Variants in TXNRD1 observed in about 807,000 individuals in gnomAD.
TXNRD1 encodes the protein thioredoxin reductase 1.
Under a neutral mutation model 80.3 loss-of-function variants are expected in TXNRD1, and 57 were observed. The ratio of observed to expected loss-of-function variants is 0.71; its 90% CI spans 0.57 to 0.89. TXNRD1 has a LOEUF of 0.89. TXNRD1 is among the 40% of genes least tolerant of loss of function. The probability of loss-of-function intolerance (pLI) is 0.00; values close to 1 mark genes in which losing one functional copy is unlikely to be tolerated. For missense variants in TXNRD1, 730 were observed against 803.0 expected (o/e 0.91, Z 1.10); for synonymous variants, 291 against 285.2 (o/e 1.02, Z -0.20).
chr12:104,250,442 A>G (rs540741856), intron 1 of TXNRD1, among the ~76,000 whole-genome samples: 37 of 152,362 alleles, frequency 2.4e-4, no homozygotes, highest in African/African-American at 8.7e-4. Flanking sequence ...AGACTTCTAT[A>G]TTTTAAAGCT....
At chr12:104,288,717 C>A in intron 3 of TXNRD1, 2 of 1,414,764 alleles carry the variant, frequency 1.4e-6, no homozygotes, top group Non-Finnish European at 1.9e-6. Flanking sequence ...TGTTTTCAGC[C>A]AGTGTGCGGA....
rs755345269 is a variant in TXNRD1, at chr12:104,325,367, C to T, written c.1246C>T (p.Arg416Ter). Residue 416 changes from arginine (R) to a stop codon, truncating the protein, a stop_gained, in exon 11 of 17, where the codon CGA (arginine) becomes TGA (stop). Transcript: ENST00000525566. LOFTEE classifies it high-confidence loss of function. The stretch of plus-strand genomic sequence containing the variant: ...ACAAATTGAAGCAGGGACACCAGGC[C>T]GACTCAGAGTAGTAGCTCAGTCCAC... ...VEQIEAGTPG[R>*]LRVVAQSTNS... 3.7e-6 allele frequency: 6 copies of T among 1,613,182 alleles called. No homozygotes were observed. Among genetic ancestry groups the T allele is most frequent in the Non-Finnish European group, 3.4e-6 (4 of 1,179,568 alleles).
At chr12:104,273,784 C>T (rs190302728) in intron 3 of TXNRD1, among the ~76,000 whole-genome samples, 77 of 152,286 alleles carry the variant, frequency 5.1e-4, no homozygotes, top group Non-Finnish European at 7.6e-4. Flanking sequence ...GAAAACCTGC[C>T]CCCAAAGCAA....
At chr12:104,292,680 C>T (rs530464403) in intron 4 of TXNRD1, among the ~76,000 whole-genome samples, 169 of 152,106 alleles carry the variant, frequency 1.1e-3, no homozygotes, top group Non-Finnish European at 1.9e-3. Flanking sequence ...CAGTGTGAGC[C>T]ACCACGCCCG....
chr12:104,218,101 C>T (rs2032261816), intron 1 of TXNRD1, among the ~76,000 whole-genome samples: 1 of 151,952 alleles, frequency 6.6e-6, no homozygotes, highest in South Asian at 2.1e-4. Context: ...GATCTTGGCT[C>T]ACCACAATCT....
chr12:104,324,353 GTT>G (rs199989955), intron 10 of TXNRD1, among the ~76,000 whole-genome samples: 3 of 120,104 alleles, frequency 2.5e-5, no homozygotes, highest in Non-Finnish European at 3.6e-5. Context: ...GGTGGGTTTC[GTT>G]TTTTTTTTTT....
intron 10 of TXNRD1, 49 bp from the exon 11 acceptor site, chr12:104,325,288 A>G (rs1160262847): frequency 4.1e-6 from 6 of 1,452,668 alleles, no homozygotes; most frequent in Non-Finnish European, 5.7e-6. Context: ...TAGAGAATCC[A>G]ACTTGATAAA....
intron 3 of TXNRD1, chr12:104,265,779 G>C (rs568101794): frequency 6.3e-7 from 1 of 1,578,922 alleles, no homozygotes; most frequent in Non-Finnish European, 8.6e-7. Flanking sequence ...TGCCCCACCG[G>C]GTCCTGCGCC....
chr12:104,345,302 T>C (rs572507767), intron 16 of TXNRD1, among the ~76,000 whole-genome samples: 1 of 152,318 alleles, frequency 6.6e-6, no homozygotes, highest in Non-Finnish European at 1.5e-5. Flanking sequence ...TTAAACTGAG[T>C]GCTCAAAAAT....
chr12:104,217,884 A>G (rs1223342534), intron 1 of TXNRD1, among the ~76,000 whole-genome samples: 1 of 151,880 alleles, frequency 6.6e-6, no homozygotes, highest in African/African-American at 2.4e-5. Context: ...CTTGTCTTCG[A>G]GTTTCATCTG....
intron 4 of TXNRD1, chr12:104,289,328 A>G (rs1321007177): frequency 3.5e-6 from 1 of 283,864 alleles, no homozygotes; most frequent in Non-Finnish European, 6.8e-6. Flanking sequence ...TTTCCCTCCC[A>G]GTTGTAAATA....
chr12:104,316,910 TTTAA>T (rs1460227389), intron 7 of TXNRD1, among the ~76,000 whole-genome samples: 2 of 152,296 alleles, frequency 1.3e-5, no homozygotes, highest in Non-Finnish European at 2.9e-5. Context: ...TTTTTGGGGT[TTTAA>T]TTGTTTATTA....
At chr12:104,340,660 T>G (rs2036292951) in intron 16 of TXNRD1, among the ~76,000 whole-genome samples, 1 of 152,184 alleles carries the variant, frequency 6.6e-6, no homozygotes, top group South Asian at 2.1e-4. Flanking sequence ...TGTGTCTGTG[T>G]CCAAATTTCC....
At chr12:104,325,110 A>G (rs566343497) in intron 10 of TXNRD1, among the ~76,000 whole-genome samples, 2 of 152,320 alleles carry the variant, frequency 1.3e-5, no homozygotes, top group South Asian at 4.1e-4. Flanking sequence ...TTATTGTTTG[A>G]GAACTCTTTC....
In TXNRD1 at chr12:104,321,218, A is replaced by G. The variant is rs2035518141; in HGVS notation, c.1117A>G (p.Ile373Val). ...GLDVTVMVRS[I>V]LLRGFDQDMA... ...AGACGTCACTGTTATGGTTAGGTCC[A>G]TTCTTCTTAGAGGATTTGACCAGGA... The change falls in exon 10 of 17, where the codon ATT (isoleucine) becomes GTT (valine). Residue 373 changes from isoleucine (I) to valine (V), a missense_variant. Physicochemically the swap from Ile to Val is conservative, Grantham distance 29. Coordinates refer to ENST00000525566, the MANE Select transcript of TXNRD1 (RefSeq NM_001093771.3). 1 of 1,613,886 alleles carries G rather than the reference A, an allele frequency of 6.2e-7. No homozygotes were observed. The highest frequency in any genetic ancestry group is 2.2e-5 in the East Asian group (1 of 44,860).
At chr12:104,231,066 G>C (rs1160024208) in intron 1 of TXNRD1, among the ~76,000 whole-genome samples, 1 of 152,150 alleles carries the variant, frequency 6.6e-6, no homozygotes, top group Non-Finnish European at 1.5e-5. Context: ...AAGGTTGCCT[G>C]CCCGGCTCTA....
At chr12:104,333,367 TGAA>T (rs370964039) in intron 14 of TXNRD1, among the ~76,000 whole-genome samples, 2 of 152,274 alleles carry the variant, frequency 1.3e-5, no homozygotes, top group African/African-American at 4.8e-5. Flanking sequence ...GTGTTTGAGT[TGAA>T]GAAACTTTGA....
intron 1 of TXNRD1, among the ~76,000 whole-genome samples, chr12:104,229,597 TATTTA>T (rs1206510846): frequency 2.4e-4 from 36 of 147,772 alleles, no homozygotes; most frequent in African/African-American, 8.7e-4. Flanking sequence ...TATTTTATTT[TATTTA>T]TTTTTTTTGA....
At chr12:104,258,505 A>C (rs1427506981) in intron 3 of TXNRD1, among the ~76,000 whole-genome samples, 1 of 152,250 alleles carries the variant, frequency 6.6e-6, no homozygotes, top group Non-Finnish European at 1.5e-5. Flanking sequence ...AGATCCATGA[A>C]AAGTGCTACT....
Sources: gnomAD v4.1 joint callset for allele counts (sites outside exome capture counted in the v4.1 genomes callset) on GRCh38, gnomAD v4.1.1 for gene constraint, MANE v1.5 for transcripts, NCBI Gene and HGNC (gene_info 2026-07-23, HGNC 2026-07-21) for gene names.